Variants in GFRA2 observed in about 807,000 individuals in gnomAD.
The protein encoded by GFRA2 is GDNF family receptor alpha-2.
A neutral mutation model predicts 48.3 loss-of-function variants in GFRA2; 17 were observed. That is an observed-to-expected ratio of 0.35 (90% CI 0.24 to 0.53). The LOEUF (loss-of-function observed/expected upper bound fraction) is 0.53, where lower values mean the gene tolerates loss of function less well. Among genes scored for constraint, GFRA2 ranks in the 20% least tolerant of loss-of-function variants. The probability of loss-of-function intolerance (pLI) is 0.93; values close to 1 mark genes in which losing one functional copy is unlikely to be tolerated. For missense variants in GFRA2, 660 were observed against 637.3 expected (o/e 1.04, Z -0.38); for synonymous variants, 305 against 257.2 (o/e 1.19, Z -1.78).
At chr8:21,708,111 TGCAGGAGGGCC>T (rs762202693) in intron 4 of GFRA2, among the ~76,000 whole-genome samples, 81 of 152,114 alleles carry the variant, frequency 5.3e-4, no homozygotes, top group Non-Finnish European at 9.9e-4. Context: ...GCTCCTGTGT[TGCAGGAGGGCC>T]TGGAGCCCTT....
chr8:21,740,807 C>T (rs1451795924), intron 4 of GFRA2, among the ~76,000 whole-genome samples: 1 of 152,246 alleles, frequency 6.6e-6, no homozygotes, highest in African/African-American at 2.4e-5. Flanking sequence ...GCCAGGCCTT[C>T]GCCATCTCAG....
chr8:21,704,151 G>A (rs1373649182), intron 6 of GFRA2, among the ~76,000 whole-genome samples: 3 of 152,244 alleles, frequency 2.0e-5, no homozygotes, highest in African/African-American at 7.2e-5. Flanking sequence ...ATGGTCTTCT[G>A]TGGAGCCCAG....
intron 4 of GFRA2, among the ~76,000 whole-genome samples, chr8:21,715,267 G>A (rs80219214): frequency 0.03 from 4,502 of 152,226 alleles, 222 homozygotes; most frequent in African/African-American, 0.1. Flanking sequence ...GGGTGGGCTG[G>A]GGAAGAGGAC....
chr8:21,759,581 A>G (rs1359698675), intron 3 of GFRA2, among the ~76,000 whole-genome samples: 1 of 150,778 alleles, frequency 6.6e-6, no homozygotes, highest in Non-Finnish European at 1.5e-5. Context: ...AGAAAGGAAA[A>G]TAAGGGAATT....
intron 2 of GFRA2, among the ~76,000 whole-genome samples, chr8:21,799,797 G>T (rs1807740475): frequency 6.6e-6 from 1 of 152,152 alleles, no homozygotes; most frequent in Non-Finnish European, 1.5e-5. Flanking sequence ...TAACGAGCTG[G>T]CAACAGTCCT....
chr8:21,754,272 T>C (rs1209030412), intron 3 of GFRA2, among the ~76,000 whole-genome samples: 2 of 152,150 alleles, frequency 1.3e-5, no homozygotes, highest in Non-Finnish European at 2.9e-5. Context: ...TGCTATGCAA[T>C]AGGTATTTAA....
intron 4 of GFRA2, among the ~76,000 whole-genome samples, chr8:21,730,264 C>T (rs1448355467): frequency 6.6e-6 from 1 of 152,032 alleles, no homozygotes; most frequent in African/African-American, 2.4e-5. Context: ...ATAAGCCAGG[C>T]ATGGTGGTGC....
chr8:21,694,047 ATATATATT>A (rs1410024909), intron 8 of GFRA2, among the ~76,000 whole-genome samples: 1 of 124,088 alleles, frequency 8.1e-6, no homozygotes, highest in African/African-American at 3.3e-5. Context: ...TATGAGATAT[ATATATATT>A]TATATATATA....
intron 1 of GFRA2, among the ~76,000 whole-genome samples, chr8:21,786,733 CAG>C (rs2117087832): frequency 6.6e-6 from 1 of 152,186 alleles, no homozygotes; most frequent in East Asian, 1.9e-4. Context: ...AGGGGACAGG[CAG>C]AGAGTCCAGA....
At chr8:21,715,951 C>A (rs1803309961) in intron 4 of GFRA2, among the ~76,000 whole-genome samples, 1 of 152,096 alleles carries the variant, frequency 6.6e-6, no homozygotes, top group Non-Finnish European at 1.5e-5. Flanking sequence ...TCTCCTCTGC[C>A]CTTCCTATAT....
intron 1 of GFRA2, among the ~76,000 whole-genome samples, chr8:21,806,558 G>A (rs536467007): frequency 1.2e-3 from 179 of 152,212 alleles, no homozygotes; most frequent in African/African-American, 3.3e-3. Flanking sequence ...CCAGGACCCC[G>A]GACTCAAGCG....
At chr8:21,693,433 A>T in intron 8 of GFRA2, 33 bp from the exon 9 acceptor site, 2 of 1,577,382 alleles carry the variant, frequency 1.3e-6, no homozygotes, top group Non-Finnish European at 1.7e-6. Flanking sequence ...ATCAGGAACA[A>T]AGAGAATGAA....
chr8:21,747,339 T>G (rs1218854506), intron 4 of GFRA2, among the ~76,000 whole-genome samples: 1 of 152,366 alleles, frequency 6.6e-6, no homozygotes, highest in East Asian at 1.9e-4. Context: ...GTTCAGTCAC[T>G]GTGGCAAATG....
chr8:21,782,909 G>A lies in GFRA2; in HGVS notation c.41-10C>T. The A allele has an allele frequency of 6.5e-7, 1 of 1,544,328 alleles. No homozygotes were observed. The highest frequency in any genetic ancestry group is 8.7e-7 in the Non-Finnish European group (1 of 1,151,314). On this transcript the variant is annotated splice_polypyrimidine_tract_variant and intron_variant, in intron 1 of 8. Transcript: ENST00000524240. The stretch of plus-strand genomic sequence containing the variant: ...GAGCGGAGGGTCTCGTCTGGGTGGT[G>A]GGGAGGGAAGACAAGCATGAATGAC...
chr8:21,718,881 G>T (rs762808242), intron 4 of GFRA2, among the ~76,000 whole-genome samples: 1 of 152,030 alleles, frequency 6.6e-6, no homozygotes, highest in Admixed American at 6.5e-5. Context: ...CCCTTCTGCC[G>T]TGCTCTCCCC....
intron 3 of GFRA2, among the ~76,000 whole-genome samples, chr8:21,766,689 T>G (rs1241071513): frequency 1.3e-5 from 1 of 74,892 alleles, no homozygotes; most frequent in Non-Finnish European, 2.8e-5. Flanking sequence ...GGGGGGTCAT[T>G]CCCCTGATGG....
At chr8:21,780,957 A>G (rs907123489) in intron 2 of GFRA2, 44 of 152,128 alleles carry the variant, frequency 2.9e-4, no homozygotes, top group African/African-American at 1.0e-3. Flanking sequence ...CCCCATCTCT[A>G]CCAAAAAAAT....
intron 4 of GFRA2, among the ~76,000 whole-genome samples, chr8:21,718,226 A>G (rs1803427212): frequency 1.3e-5 from 2 of 152,080 alleles, no homozygotes; most frequent in African/African-American, 4.8e-5. Flanking sequence ...GTCTCACAAG[A>G]TCTGATGGTT....
At chr8:21,745,624 C>T (rs1044896704) in intron 4 of GFRA2, among the ~76,000 whole-genome samples, 39 of 152,306 alleles carry the variant, frequency 2.6e-4, no homozygotes, top group African/African-American at 8.9e-4. Context: ...AGGAAGTGCA[C>T]CCCTTCCCAG....
Sources: allele counts gnomAD v4.1 joint callset (sites outside exome capture counted in the v4.1 genomes callset), GRCh38; gene constraint gnomAD v4.1.1; transcripts MANE v1.5; gene names NCBI Gene and HGNC (gene_info 2026-07-23, HGNC 2026-07-21).